DOCK2: variants seen among roughly 807,000 people sequenced by gnomAD.
DOCK2 encodes dedicator of cytokinesis protein 2.
In DOCK2, 87 loss-of-function variants were observed where a neutral mutation model predicts 248.9. The observed-to-expected ratio is 0.35, with a 90% CI of 0.29 to 0.42. The LOEUF (loss-of-function observed/expected upper bound fraction) is 0.42, where lower values mean the gene tolerates loss of function less well. Ranked by LOEUF, DOCK2 falls within the 10% of genes least tolerant of loss-of-function variation. The pLI is 1.00. For synonymous variants in DOCK2, 805 were observed against 821.6 expected (o/e 0.98, Z 0.35); for missense variants, 1,747 against 2,300.2 (o/e 0.76, Z 4.92).
In DOCK2 at chr5:170,041,169, C is replaced by A. The variant is rs760175557; in HGVS notation, c.3756+24C>A. On this transcript the variant is annotated intron_variant, in intron 37 of 51. Transcript: ENST00000520908. ...AGGTACAGTCACTTTGGGTGAAGGG[C>A]ATTTATGCTGGGATCCTGACAGGGC... 6 of 1,593,192 alleles carry A rather than the reference C, an allele frequency of 3.8e-6. 1 individual carries two copies. Among genetic ancestry groups the A allele is most frequent in the Non-Finnish European group, 5.2e-6 (6 of 1,161,086 alleles).
At chr5:169,849,124 T>A (rs1466556973) in intron 27 of DOCK2, among the ~76,000 whole-genome samples, 1 of 152,172 alleles carries the variant, frequency 6.6e-6, no homozygotes, top group Non-Finnish European at 1.5e-5. Context: ...GTTAGTTGGC[T>A]CTTGGCCTTC....
intron 6 of DOCK2, among the ~76,000 whole-genome samples, chr5:169,679,357 C>T (rs1364276647): frequency 2.0e-5 from 3 of 152,156 alleles, no homozygotes; most frequent in African/African-American, 7.2e-5. Context: ...ATGTTCTGCT[C>T]CCCAAAATTC....
intron 25 of DOCK2, among the ~76,000 whole-genome samples, chr5:169,781,669 A>G (rs1765721196): frequency 6.6e-6 from 1 of 152,222 alleles, no homozygotes. Flanking sequence ...TTGTCCACAC[A>G]GGCCGTGGTG....
intron 24 of DOCK2, among the ~76,000 whole-genome samples, chr5:169,760,080 T>G (rs1353936424): frequency 6.6e-6 from 1 of 152,198 alleles, no homozygotes; most frequent in Non-Finnish European, 1.5e-5. Context: ...CTGAAGGTTA[T>G]TTTGGGTTCC....
chr5:169,768,546 C>G (rs1292894491), intron 25 of DOCK2, among the ~76,000 whole-genome samples: 4 of 152,196 alleles, frequency 2.6e-5, no homozygotes, highest in African/African-American at 9.6e-5. Flanking sequence ...TACATGAACT[C>G]TGACAGGTGT....
At chr5:169,714,863 A>C (rs1223812308) in intron 19 of DOCK2, among the ~76,000 whole-genome samples, 3 of 152,170 alleles carry the variant, frequency 2.0e-5, no homozygotes, top group Non-Finnish European at 4.4e-5. Flanking sequence ...AAAGCATATA[A>C]AACAAAGTTC....
At chr5:169,806,963 G>C (rs1049896789) in intron 26 of DOCK2, among the ~76,000 whole-genome samples, 1 of 150,042 alleles carries the variant, frequency 6.7e-6, no homozygotes, top group Non-Finnish European at 1.5e-5. Flanking sequence ...CATTCTTCTT[G>C]GGTGCGGCAC....
At chr5:169,714,545 A>G in intron 19 of DOCK2, 88 bp downstream of exon 19, 2 of 1,418,422 alleles carry the variant, frequency 1.4e-6, no homozygotes, top group Non-Finnish European at 9.8e-7. Flanking sequence ...AAGGTATTGA[A>G]GGACATGGGG....
At chr5:169,809,452 C>T (rs1021165939) in intron 26 of DOCK2, among the ~76,000 whole-genome samples, 2 of 152,226 alleles carry the variant, frequency 1.3e-5, no homozygotes, top group African/African-American at 4.8e-5. Context: ...CACTTCCTTT[C>T]TGAGATTTTC....
At position 169,800,944 on chromosome 5, in the gene DOCK2, C is replaced by CTTTTTTTTTTTTTTTTTTTTTT. The variant is rs60140740; in HGVS notation, c.2555-2106_2555-2085dup. Among the ~76,000 whole-genome samples, 33 of 53,184 alleles carry CTTTTTTTTTTTTTTTTTTTTTT rather than the reference C, an allele frequency of 6.2e-4. 2 individuals carry two copies. Among genetic ancestry groups the CTTTTTTTTTTTTTTTTTTTTTT allele is most frequent in the East Asian group, 2.6e-3 (4 of 1,534 alleles). The allele number at this position is 53,184 out of a possible 152,430, so 34.9% of individuals were successfully genotyped here. On this transcript the variant is annotated intron_variant, in intron 25 of 51. Transcript: ENST00000520908. ...TTTTTCTTTTTTCTTTTCTTTCTTTCTTTTTTTTTTTTTTTTTTTTTTTTT... is the reference window on the plus strand; with the variant it reads ...TTTTTCTTTTTTCTTTTCTTTCTTTCTTTTTTTTTTTTTTTTTTTTTTTTTTTTTTTTTTTTTTTTTTTTTTT...
At chr5:169,969,255 G>A (rs1044459854) in intron 27 of DOCK2, among the ~76,000 whole-genome samples, 2 of 152,044 alleles carry the variant, frequency 1.3e-5, no homozygotes, top group Middle Eastern at 3.2e-3. Flanking sequence ...GAACAGCTTG[G>A]CCAATATGGT....
chr5:169,730,825 AG>A (rs1762730160), intron 22 of DOCK2, among the ~76,000 whole-genome samples: 1 of 152,016 alleles, frequency 6.6e-6, no homozygotes, highest in African/African-American at 2.4e-5. Context: ...TTTTGGTTAC[AG>A]TTTTGAACAA....
rs1213648720 is a variant in DOCK2, at chr5:170,008,566, TCA to T, written c.3146_3147del (p.His1049ArgfsTer9). The T allele has an allele frequency of 6.2e-7, 1 of 1,614,040 alleles. No individual in the cohort carries two copies. Among genetic ancestry groups the T allele is most frequent in the Non-Finnish European group, 8.5e-7 (1 of 1,179,988 alleles). Reference protein sequence around the residue: ...TQDSLQLEQFSHAKYNKILNK... With the variant: ...TQDSLQLEQFXHAKYNKILNK... ...GGATTCTCTGCAGCTGGAGCAGTTC[TCA>T]CACGCCAAATACAACAAAATCCTGA... On this transcript the variant is annotated frameshift_variant, in exon 31 of 52. Coordinates refer to ENST00000520908, the MANE Select transcript of DOCK2 (RefSeq NM_004946.3). LOFTEE classifies it high-confidence loss of function.
At chr5:170,015,389 G>A (rs1003165350) in intron 32 of DOCK2, among the ~76,000 whole-genome samples, 2 of 152,114 alleles carry the variant, frequency 1.3e-5, no homozygotes, top group Admixed American at 1.3e-4. Context: ...TGTCAGACTC[G>A]AAGACTCTAC....
At chr5:170,045,428 G>A (rs78894574) in intron 38 of DOCK2, among the ~76,000 whole-genome samples, 1,550 of 152,266 alleles carry the variant, frequency 0.01, 24 homozygotes, top group African/African-American at 0.035. Flanking sequence ...AGACACACAC[G>A]GGGGCTTGCA....
Position 169,972,578 on chromosome 5 carries a change from TAGATAGATGATAGATA to T in DOCK2, c.2800-10489_2800-10474del, listed in dbSNP as rs1209357449. On this transcript the variant is annotated intron_variant, in intron 27 of 51. Coordinates refer to ENST00000520908, the MANE Select transcript of DOCK2 (RefSeq NM_004946.3). ...ATAGATAGATAGATAGATAGATAGA[TAGATAGATGATAGATA>T]GATAGATAGATAGATAGATAGATAG... 6.6e-3 allele frequency among the ~76,000 whole-genome samples: 405 copies of T among 61,100 alleles called. 3 individuals are homozygous for T. The highest frequency in any genetic ancestry group is 0.022 in the African/African-American group (380 of 17,002). The allele number at this position is 61,100 out of a possible 152,430, so 40.1% of individuals were successfully genotyped here.
intron 26 of DOCK2, among the ~76,000 whole-genome samples, chr5:169,835,268 T>TTG (rs1769494840): frequency 1.3e-5 from 2 of 149,682 alleles, no homozygotes; most frequent in South Asian, 2.1e-4. Context: ...TGGTTTTTTT[T>TTG]TTTTTTTTTT....
intron 19 of DOCK2, among the ~76,000 whole-genome samples, chr5:169,715,473 G>T (rs1042558149): frequency 6.6e-6 from 1 of 152,018 alleles, no homozygotes; most frequent in South Asian, 2.1e-4. Context: ...CATCTACCTC[G>T]TTCAGCAATG....
intron 13 of DOCK2, 140 bp downstream of exon 13, chr5:169,700,279 A>C: frequency 7.8e-7 from 1 of 1,279,342 alleles, no homozygotes; most frequent in South Asian, 1.5e-5. Flanking sequence ...AACAACTAAA[A>C]ATGATGTCTG....
Sources: allele counts gnomAD v4.1 joint callset (sites outside exome capture counted in the v4.1 genomes callset), GRCh38; gene constraint gnomAD v4.1.1; transcripts MANE v1.5; gene names NCBI Gene and HGNC (gene_info 2026-07-23, HGNC 2026-07-21).